The following NRG3 variants were observed in gnomAD, a reference collection of about 807,000 sequenced individuals.
NRG3 encodes pro-neuregulin-3, membrane-bound isoform.
A neutral mutation model predicts 66.9 loss-of-function variants in NRG3; 31 were observed. That is an observed-to-expected ratio of 0.46 (90% CI 0.35 to 0.63). NRG3 has a LOEUF of 0.63. NRG3 is among the 20% of genes least tolerant of loss of function. The pLI is 0.00. For missense variants in NRG3, 910 were observed against 878.9 expected (o/e 1.04, Z -0.45); for synonymous variants, 393 against 359.4 (o/e 1.09, Z -1.06).
intron 3 of NRG3, among the ~76,000 whole-genome samples, chr10:82,835,261 G>A (rs185098214): frequency 6.6e-6 from 1 of 152,086 alleles, no homozygotes; most frequent in Non-Finnish European, 1.5e-5. Flanking sequence ...TTTTATAATG[G>A]CCACACTCCA....
At chr10:82,152,036 G>A (rs1018482967) in intron 1 of NRG3, among the ~76,000 whole-genome samples, 2 of 152,192 alleles carry the variant, frequency 1.3e-5, no homozygotes, top group African/African-American at 2.4e-5. Flanking sequence ...TTGGAAATCA[G>A]GTGTTGGCAA....
chr10:82,542,340 A>G (rs879768134), intron 2 of NRG3, among the ~76,000 whole-genome samples: 2 of 152,232 alleles, frequency 1.3e-5, no homozygotes, highest in Non-Finnish European at 2.9e-5. Flanking sequence ...AAGAAAAGAA[A>G]TGATCAAAGA....
chr10:82,522,915 C>T (rs1246138706), intron 2 of NRG3, among the ~76,000 whole-genome samples: 1 of 152,134 alleles, frequency 6.6e-6, no homozygotes, highest in Non-Finnish European at 1.5e-5. Context: ...TTGCTATTAC[C>T]TCTCAATGCC....
chr10:82,870,405 G>T (rs1184006876), intron 4 of NRG3, among the ~76,000 whole-genome samples: 1 of 152,104 alleles, frequency 6.6e-6, no homozygotes, highest in African/African-American at 2.4e-5. Context: ...CTTTGTGCAG[G>T]CTTTTGTATA....
At chr10:82,904,461 G>A (rs184798953) in intron 4 of NRG3, among the ~76,000 whole-genome samples, 19 of 152,248 alleles carry the variant, frequency 1.2e-4, no homozygotes, top group African/African-American at 2.9e-4. Context: ...CATTTAAACC[G>A]GAAGAAAGGG....
At chr10:82,912,843 A>G (rs1009901343) in intron 4 of NRG3, among the ~76,000 whole-genome samples, 9 of 152,256 alleles carry the variant, frequency 5.9e-5, no homozygotes, top group South Asian at 2.1e-4. Flanking sequence ...ATATTTTGTT[A>G]GTGATTCCCT....
chr10:82,682,617 C>A (rs2494026), intron 2 of NRG3, among the ~76,000 whole-genome samples: 117,843 of 151,998 alleles, frequency 0.78, 46,972 homozygotes, highest in East Asian at 0.91. Flanking sequence ...ATAGTTGATT[C>A]ATTATTTTTA....
chr10:81,895,509 C>G (rs894341141), intron 1 of NRG3, among the ~76,000 whole-genome samples: 11 of 152,160 alleles, frequency 7.2e-5, no homozygotes, highest in African/African-American at 2.4e-4. Flanking sequence ...TTTTGTTTCT[C>G]ACTATCTGAT....
intron 2 of NRG3, among the ~76,000 whole-genome samples, chr10:82,386,421 G>A (rs1411044761): frequency 6.6e-6 from 1 of 152,092 alleles, no homozygotes; most frequent in African/African-American, 2.4e-5. Flanking sequence ...CATAAATCAG[G>A]ACAAGTTGAG....
intron 2 of NRG3, among the ~76,000 whole-genome samples, chr10:82,452,136 C>T (rs545614453): frequency 5.6e-4 from 85 of 152,284 alleles, no homozygotes; most frequent in African/African-American, 1.9e-3. Context: ...CTATTTATGG[C>T]ACAGCCATGT....
intron 1 of NRG3, among the ~76,000 whole-genome samples, chr10:81,952,623 T>C (rs1849476139): frequency 6.6e-6 from 1 of 152,060 alleles, no homozygotes; most frequent in Admixed American, 6.6e-5. Flanking sequence ...TGTTTTTCAG[T>C]GACACAGGGC....
chr10:82,238,345 C>A (rs1037174981), intron 1 of NRG3, among the ~76,000 whole-genome samples: 1 of 152,058 alleles, frequency 6.6e-6, no homozygotes, highest in African/African-American at 2.4e-5. Flanking sequence ...AAAGTCCTTA[C>A]TGAGTATATA....
chr10:82,263,633 T>C (rs753757612), intron 1 of NRG3, among the ~76,000 whole-genome samples: 12 of 152,044 alleles, frequency 7.9e-5, no homozygotes, highest in Non-Finnish European at 1.5e-4. Flanking sequence ...CACACACTCA[T>C]ATACACACTT....
chr10:82,168,453 C>A (rs2072283189), intron 1 of NRG3, among the ~76,000 whole-genome samples: 1 of 152,120 alleles, frequency 6.6e-6, no homozygotes, highest in African/African-American at 2.4e-5. Flanking sequence ...ACTTGCCCAT[C>A]AAAATATGGA....
intron 1 of NRG3, among the ~76,000 whole-genome samples, chr10:81,903,747 G>A (rs368287911): frequency 1.1e-4 from 16 of 152,268 alleles, no homozygotes; most frequent in East Asian, 3.9e-4. Flanking sequence ...GTTTCAGGGC[G>A]ATGGTGCAGA....
chr10:82,608,660 A>T (rs1046080136), intron 2 of NRG3, among the ~76,000 whole-genome samples: 2 of 152,052 alleles, frequency 1.3e-5, no homozygotes, highest in African/African-American at 2.4e-5. Context: ...ATTTGTTCTC[A>T]ACCCCTCTTC....
intron 8 of NRG3, among the ~76,000 whole-genome samples, chr10:82,983,949 G>A (rs1383797970): frequency 6.6e-6 from 1 of 152,214 alleles, no homozygotes; most frequent in Admixed American, 6.5e-5. Context: ...CTCCCATCAT[G>A]TCCTTACAAT....
chr10:81,911,629 T>TTTTTTTTA (rs1845170756), intron 1 of NRG3, among the ~76,000 whole-genome samples: 1 of 139,098 alleles, frequency 7.2e-6, no homozygotes, highest in East Asian at 2.0e-4. Flanking sequence ...TTTTTTTTTT[T>TTTTTTTTA]GATGAGACTA....
intron 1 of NRG3, among the ~76,000 whole-genome samples, chr10:82,098,253 T>C (rs1208500041): frequency 1.3e-5 from 2 of 151,446 alleles, no homozygotes; most frequent in Admixed American, 1.3e-4. Flanking sequence ...TCTATATATA[T>C]ATGTCATATA....
Sources: gnomAD v4.1 joint callset for allele counts (sites outside exome capture counted in the v4.1 genomes callset) on GRCh38, gnomAD v4.1.1 for gene constraint, MANE v1.5 for transcripts, NCBI Gene and HGNC (gene_info 2026-07-23, HGNC 2026-07-21) for gene names.